The following ATG14 variants were observed in gnomAD, a reference collection of about 807,000 sequenced individuals.
ATG14 encodes the protein beclin 1-associated autophagy-related key regulator.
In ATG14, 35 loss-of-function variants were observed where a neutral mutation model predicts 60.4. That is an observed-to-expected ratio of 0.58 (90% CI 0.44 to 0.77). The LOEUF (loss-of-function observed/expected upper bound fraction) is 0.77. ATG14 is among the 30% of genes least tolerant of loss of function. The probability of loss-of-function intolerance (pLI) is 0.00; values close to 1 mark genes in which losing one functional copy is unlikely to be tolerated. For missense variants in ATG14, 647 were observed against 626.3 expected, an observed-to-expected ratio of 1.03 and a Z score of -0.35; for synonymous variants, 234 against 228.8, an observed-to-expected ratio of 1.02 and a Z score of -0.21.
intron 6 of ATG14, among the ~76,000 whole-genome samples, 185 bp from the exon 7 acceptor site, chr14:55,380,875 A>ATATATATATATTTTTTTTTT (rs377330757): frequency 1.8e-5 from 2 of 112,726 alleles, no homozygotes; most frequent in Middle Eastern, 4.3e-3. Context: ...ATATATATAT[A>ATATATATATATTTTTTTTTT]TTTTTTTTTT....
At chr14:55,371,044 G>A (rs1263440720) in intron 9 of ATG14, among the ~76,000 whole-genome samples, 1 of 152,136 alleles carries the variant, frequency 6.6e-6, no homozygotes, top group African/African-American at 2.4e-5. Context: ...CCCACCCACT[G>A]CCTTCCAGGG....
chr14:55,386,726 C>T (rs1056265658), intron 4 of ATG14, among the ~76,000 whole-genome samples: 12 of 152,164 alleles, frequency 7.9e-5, no homozygotes, highest in African/African-American at 2.2e-4. Flanking sequence ...CACGAGGAGA[C>T]ATACACTCGT....
intron 9 of ATG14, among the ~76,000 whole-genome samples, chr14:55,375,106 T>G (rs145955752): frequency 1.0e-3 from 154 of 152,362 alleles, no homozygotes; most frequent in African/African-American, 3.6e-3. Context: ...CCTGTGGCTT[T>G]CTTTCAGCTC....
rs556560568 is a variant in ATG14, at chr14:55,403,512, C to T, written c.222-6078G>A. Among the ~76,000 whole-genome samples the T allele has an allele frequency of 1.2e-4, 18 of 151,522 alleles. No homozygotes were observed. The South Asian group carries it at 3.7e-3, about 32-fold the overall frequency. On this transcript the variant is annotated intron_variant, in intron 1 of 9. Coordinates refer to ENST00000247178, the MANE Select transcript of ATG14 (RefSeq NM_014924.5). ...TTTTGTTTGTAAAATAGTAAATAAA[C>T]AGAAAAATAAAAGGGATAGTCATAT... is the stretch of plus-strand genomic sequence containing the variant.
Position 55,369,821 on chromosome 14 carries a change from T to C in ATG14, c.1277A>G (p.Asp426Gly). The part of the protein sequence containing the change: ...SDESGDERVS[D>G]EETDLGTDWE... ...GTCTGTGCCCAGGTCGGTTTCTTCATCGCTGACGCGCTCATCTCCGCTCTC... is the reference window on the plus strand; with the variant it reads ...GTCTGTGCCCAGGTCGGTTTCTTCACCGCTGACGCGCTCATCTCCGCTCTC... The change falls in exon 10 of 10, where the codon GAT (aspartate) becomes GGT (glycine). Residue 426 changes from aspartate (D) to glycine (G), a missense_variant. Physicochemically the swap from Asp to Gly is moderately conservative, Grantham distance 94. Transcript: ENST00000247178. 1 of 1,614,224 alleles carries C rather than the reference T, an allele frequency of 6.2e-7. No homozygotes were observed. The highest frequency in any genetic ancestry group is 8.5e-7 in the Non-Finnish European group (1 of 1,180,042).
chr14:55,387,710 C>T (rs1213678950), intron 4 of ATG14, among the ~76,000 whole-genome samples: 1 of 152,202 alleles, frequency 6.6e-6, no homozygotes, highest in East Asian at 1.9e-4. Flanking sequence ...GCTCTTGTTG[C>T]CCAGGCTGGA....
intron 9 of ATG14, among the ~76,000 whole-genome samples, chr14:55,374,628 CTGTCCTTTTGCTTA>C (rs1884884924): frequency 6.6e-6 from 1 of 152,142 alleles, no homozygotes; most frequent in South Asian, 2.1e-4. Flanking sequence ...TTATAAAACA[CTGTCCTTTTGCTTA>C]TTTTATAGCT....
At position 55,367,396 on chromosome 14, in the gene ATG14, A is replaced by G. The variant is rs1165936159; in HGVS notation, c.*2223T>C. On this transcript the variant is annotated 3_prime_UTR_variant, in exon 10 of 10. Transcript: ENST00000247178. ...GAACTGGATGGGAAAATGGAAGCCC[A>G]GCAATCAATCATGAAGCTGAGCACT... 6.6e-6 allele frequency: 1 copy of G among 152,280 alleles called. No homozygotes were observed. The highest frequency in any genetic ancestry group is 1.5e-5 in the Non-Finnish European group (1 of 68,062). The allele number at this position is 152,280 out of a possible 1,614,324, so 9.4% of individuals were successfully genotyped here. A position where few individuals can be genotyped will look rare whatever the true frequency, so the allele number is the denominator to read the frequency against.
At chr14:55,371,765 G>C (rs768009286) in intron 9 of ATG14, among the ~76,000 whole-genome samples, 2 of 151,728 alleles carry the variant, frequency 1.3e-5, no homozygotes, top group South Asian at 2.1e-4. Flanking sequence ...GATGGCGCCA[G>C]TGCACTCTAG....
At chr14:55,403,426 T>C (rs1444485450) in intron 1 of ATG14, among the ~76,000 whole-genome samples, 1 of 152,156 alleles carries the variant, frequency 6.6e-6, no homozygotes, top group Admixed American at 6.5e-5. Flanking sequence ...ATACTACAGT[T>C]CCTTCATTCA....
At chr14:55,385,602 T>C (rs1885111583) in intron 5 of ATG14, among the ~76,000 whole-genome samples, 1 of 152,112 alleles carries the variant, frequency 6.6e-6, no homozygotes, top group Non-Finnish European at 1.5e-5. Flanking sequence ...CATCAGATGG[T>C]TCTTAATCAG....
chr14:55,376,348 A>C (rs557225989), intron 9 of ATG14, among the ~76,000 whole-genome samples: 2 of 152,390 alleles, frequency 1.3e-5, no homozygotes, highest in East Asian at 3.9e-4. Context: ...TACAGAGAGG[A>C]TGGTGAGTAA....
At chr14:55,397,271 A>G in intron 2 of ATG14, 101 bp downstream of exon 2, 2 of 1,013,774 alleles carry the variant, frequency 2.0e-6, no homozygotes, top group Non-Finnish European at 3.1e-6. Flanking sequence ...TCCTAAATTC[A>G]GTAAGTTAGC....
chr14:55,393,959 G>A (rs1885268239), intron 3 of ATG14, among the ~76,000 whole-genome samples: 1 of 151,056 alleles, frequency 6.6e-6, no homozygotes, highest in African/African-American at 2.4e-5. Flanking sequence ...TCATTCCACA[G>A]CACGTAGACT....
chr14:55,406,634 G>A (rs1294100659), intron 1 of ATG14, among the ~76,000 whole-genome samples: 1 of 152,062 alleles, frequency 6.6e-6, no homozygotes, highest in East Asian at 1.9e-4. Flanking sequence ...AAAAATATCT[G>A]GCTATTAGAA....
intron 3 of ATG14, among the ~76,000 whole-genome samples, chr14:55,392,969 T>C (rs1042651436): frequency 3.3e-5 from 5 of 152,168 alleles, no homozygotes; most frequent in Admixed American, 6.5e-5. Context: ...ATTGAAGTCT[T>C]AGATAGAAAA....
At chr14:55,392,610 C>T (rs183193561) in intron 3 of ATG14, among the ~76,000 whole-genome samples, 10 of 141,934 alleles carry the variant, frequency 7.0e-5, no homozygotes, top group Admixed American at 3.7e-4. Flanking sequence ...GATTGTGCCA[C>T]GGCACTCCAG....
chr14:55,401,926 C>A (rs1885406152), intron 1 of ATG14, among the ~76,000 whole-genome samples: 1 of 152,136 alleles, frequency 6.6e-6, no homozygotes, highest in South Asian at 2.1e-4. Context: ...TTTCAACACG[C>A]CAAGTGGGAA....
intron 9 of ATG14, among the ~76,000 whole-genome samples, chr14:55,376,944 T>C (rs1884929234): frequency 6.6e-6 from 1 of 152,216 alleles, no homozygotes; most frequent in Admixed American, 6.5e-5. Flanking sequence ...CCCTGGTTGG[T>C]ATTTTTTGTT....
Sources: gnomAD v4.1 joint callset for allele counts (sites outside exome capture counted in the v4.1 genomes callset) on GRCh38, gnomAD v4.1.1 for gene constraint, MANE v1.5 for transcripts, NCBI Gene and HGNC (gene_info 2026-07-23, HGNC 2026-07-21) for gene names.